ZHX2: variants seen among roughly 807,000 people sequenced by gnomAD.
The protein encoded by ZHX2 is zinc fingers and homeoboxes protein 2.
Under a neutral mutation model 21.9 loss-of-function variants are expected in ZHX2, and 6 were observed. The ratio of observed to expected loss-of-function variants is 0.27; its 90% confidence interval spans 0.15 to 0.54. The LOEUF is 0.54. Among genes scored for constraint, ZHX2 ranks in the 20% least tolerant of loss-of-function variants. The pLI is 0.95. For missense variants in ZHX2, 908 were observed against 1,090.7 expected (o/e 0.83, Z 2.36); for synonymous variants, 434 against 437.1 (o/e 0.99, Z 0.09).
intron 3 of ZHX2, among the ~76,000 whole-genome samples, chr8:122,965,488 G>A (rs1435883091): frequency 2.6e-5 from 4 of 152,074 alleles, no homozygotes; most frequent in African/African-American, 7.2e-5. Context: ...AATTTCCAAT[G>A]TTATTCCACT....
chr8:122,909,442 A>G (rs565421391), intron 2 of ZHX2, among the ~76,000 whole-genome samples: 1 of 151,866 alleles, frequency 6.6e-6, no homozygotes, highest in Non-Finnish European at 1.5e-5. Context: ...CAAAAAGAAA[A>G]AAAAAAAAAA....
In ZHX2 at chr8:122,859,076, G is replaced by A. The variant is rs539239459; in HGVS notation, c.-282-4401G>A. ...GCTCTGGTTAGAGCCCTGCCCAGCT[G>A]AGGAGGAAACCAAGGTCCCGGAAGA... On this transcript the variant is annotated intron_variant, in intron 1 of 3. Coordinates refer to ENST00000314393, the MANE Select transcript of ZHX2 (RefSeq NM_014943.5). Among the ~76,000 whole-genome samples the A allele has an allele frequency of 7.9e-5, 12 of 152,342 alleles. No homozygotes were observed. In the South Asian group the frequency reaches 2.5e-3, roughly 32 times the overall value.
intron 2 of ZHX2, among the ~76,000 whole-genome samples, chr8:122,944,866 G>T (rs1812931504): frequency 6.6e-6 from 1 of 152,142 alleles, no homozygotes; most frequent in Non-Finnish European, 1.5e-5. Flanking sequence ...TTGGAGATAG[G>T]TAATTAAGGT....
intron 2 of ZHX2, among the ~76,000 whole-genome samples, chr8:122,945,957 C>T (rs1586412026): frequency 6.6e-6 from 1 of 152,220 alleles, no homozygotes; most frequent in East Asian, 1.9e-4. Flanking sequence ...CTCCCTGCTC[C>T]CTTTAAGTGT....
intron 2 of ZHX2, among the ~76,000 whole-genome samples, chr8:122,931,640 CAG>C (rs1178483179): frequency 4.6e-5 from 7 of 152,104 alleles, no homozygotes; most frequent in African/African-American, 1.7e-4. Flanking sequence ...GCTGCAGCAT[CAG>C]AGTCTTCAGG....
chr8:122,821,863 C>T (rs1286466004), intron 1 of ZHX2, among the ~76,000 whole-genome samples: 1 of 152,086 alleles, frequency 6.6e-6, no homozygotes, highest in African/African-American at 2.4e-5. Flanking sequence ...TGCCACCACG[C>T]CTGGCTAATT....
intron 2 of ZHX2, among the ~76,000 whole-genome samples, chr8:122,948,540 G>GA (rs1364941906): frequency 2.0e-5 from 3 of 152,112 alleles, no homozygotes; most frequent in Admixed American, 6.5e-5. Flanking sequence ...TTTGCGAAAA[G>GA]AAAGAGTAAT....
intron 2 of ZHX2, among the ~76,000 whole-genome samples, chr8:122,942,496 G>A (rs762976192): frequency 4.6e-5 from 7 of 152,156 alleles, no homozygotes; most frequent in Non-Finnish European, 8.8e-5. Context: ...GATTCCCTGA[G>A]AGCGAGCAGC....
At chr8:122,942,891 G>A (rs754598180) in intron 2 of ZHX2, among the ~76,000 whole-genome samples, 2 of 152,182 alleles carry the variant, frequency 1.3e-5, no homozygotes, top group Non-Finnish European at 2.9e-5. Context: ...GTGCTTCTTG[G>A]GGAGCCTTAC....
chr8:122,820,785 A>T (rs997436839), intron 1 of ZHX2, among the ~76,000 whole-genome samples: 1 of 152,202 alleles, frequency 6.6e-6, no homozygotes, highest in Admixed American at 6.5e-5. Context: ...AAATAATAAG[A>T]ATAAAAATCA....
At chr8:122,840,945 A>G (rs10100547) in intron 1 of ZHX2, among the ~76,000 whole-genome samples, 81,813 of 151,976 alleles carry the variant, frequency 0.54, 22,318 homozygotes, top group African/African-American at 0.63. Flanking sequence ...AGCTCTTTGC[A>G]CCATGGTGCC....
intron 1 of ZHX2, among the ~76,000 whole-genome samples, chr8:122,827,098 G>A (rs1818279273): frequency 1.3e-5 from 2 of 152,158 alleles, no homozygotes; most frequent in South Asian, 4.1e-4. Context: ...TCGGCTCACT[G>A]CAACCTTCGA....
chr8:122,900,474 C>T (rs1820202402), intron 2 of ZHX2, among the ~76,000 whole-genome samples: 1 of 152,162 alleles, frequency 6.6e-6, no homozygotes, highest in East Asian at 1.9e-4. Flanking sequence ...ACACCTCCCC[C>T]TAGGCCCCTC....
At chr8:122,923,369 A>G (rs994551600) in intron 2 of ZHX2, among the ~76,000 whole-genome samples, 9 of 152,214 alleles carry the variant, frequency 5.9e-5, no homozygotes, top group African/African-American at 1.9e-4. Flanking sequence ...TCCTCACAGC[A>G]TGGTGGCCTC....
intron 2 of ZHX2, among the ~76,000 whole-genome samples, chr8:122,880,796 G>A (rs1438128362): frequency 6.9e-6 from 1 of 145,380 alleles, no homozygotes; most frequent in Non-Finnish European, 1.5e-5. Context: ...AAAATAGAGA[G>A]AGTGAGAGAT....
intron 2 of ZHX2, among the ~76,000 whole-genome samples, chr8:122,870,616 G>A (rs1819406916): frequency 7.7e-6 from 1 of 130,696 alleles, no homozygotes; most frequent in Non-Finnish European, 1.6e-5. Flanking sequence ...TCCAGCCTGG[G>A]TGACAGAGCA....
At chr8:122,861,395 G>A (rs1434857762) in intron 1 of ZHX2, among the ~76,000 whole-genome samples, 2 of 152,142 alleles carry the variant, frequency 1.3e-5, no homozygotes, top group African/African-American at 2.4e-5. Flanking sequence ...GCAGTAGAAC[G>A]AATGATGTCT....
At chr8:122,890,660 G>A (rs1168243004) in intron 2 of ZHX2, among the ~76,000 whole-genome samples, 1 of 151,912 alleles carries the variant, frequency 6.6e-6, no homozygotes, top group African/African-American at 2.4e-5. Flanking sequence ...TGTTTTCATT[G>A]TACAGATCTT....
rs746459785 is a variant in ZHX2 at position 122,965,031 on chromosome 8, CTG to C, written c.*5-8209_*5-8208del. Among the ~76,000 whole-genome samples the C allele has an allele frequency of 7.5e-4, 84 of 111,506 alleles. 3 individuals carry two copies. The highest frequency in any genetic ancestry group is 1.2e-3 in the Non-Finnish European group (60 of 51,076). The allele number at this position is 111,506 out of a possible 152,430, so 73.2% of individuals were successfully genotyped here. A position where few individuals can be genotyped will look rare whatever the true frequency, so the allele number is the denominator to read the frequency against. ...TGAGTTTATTTGGATCTTCTCTCTT[CTG>C]TTTTTTTTTTTTTTGGTTAATCTCA... On this transcript the variant is annotated intron_variant, in intron 3 of 3. Coordinates refer to ENST00000314393, the MANE Select transcript of ZHX2 (RefSeq NM_014943.5).
Sources: gnomAD v4.1 joint callset for allele counts (sites outside exome capture counted in the v4.1 genomes callset) on GRCh38, gnomAD v4.1.1 for gene constraint, MANE v1.5 for transcripts, NCBI Gene and HGNC (gene_info 2026-07-23, HGNC 2026-07-21) for gene names.